Variants in TTC39C observed in about 807,000 individuals in gnomAD.
TTC39C encodes tetratricopeptide repeat protein 39C.
In TTC39C, 33 loss-of-function variants were observed where a neutral mutation model predicts 76.3. The ratio of observed to expected loss-of-function variants is 0.43; its 90% CI spans 0.33 to 0.58. TTC39C has a LOEUF of 0.58. Among genes scored for constraint, TTC39C ranks in the 20% least tolerant of loss-of-function variants. The pLI is 0.04. For synonymous variants in TTC39C, 254 were observed against 260.6 expected (o/e 0.97, Z 0.24); for missense variants, 595 against 701.4 (o/e 0.85, Z 1.71).
intron 1 of TTC39C, among the ~76,000 whole-genome samples, chr18:23,994,680 G>A (rs901981575): frequency 3.3e-5 from 5 of 152,250 alleles, no homozygotes; most frequent in African/African-American, 9.6e-5. Flanking sequence ...TCAAAGCCCC[G>A]CAGGGCTGTA....
chr18:24,127,379 G>A (rs1366744250), intron 10 of TTC39C, among the ~76,000 whole-genome samples: 1 of 152,138 alleles, frequency 6.6e-6, no homozygotes, highest in African/African-American at 2.4e-5. Flanking sequence ...TAGCTTATCA[G>A]AGTCCCCATC....
At chr18:24,048,181 T>C (rs1198852018) in intron 1 of TTC39C, among the ~76,000 whole-genome samples, 1 of 152,216 alleles carries the variant, frequency 6.6e-6, no homozygotes, top group Non-Finnish European at 1.5e-5. Context: ...AGAATGGAAA[T>C]TTAAAAATAG....
Position 24,133,892 on chromosome 18 carries a change from GA to G in TTC39C, c.*1321del, listed in dbSNP as rs1364904678. ...CGTTTATTTACAAATTCTTTTGGCT[GA>G]AACATGATCTCATATTAATATTTTA... On this transcript the variant is annotated 3_prime_UTR_variant, in exon 14 of 14. Transcript: ENST00000317571. 1 of 148,214 alleles carries G rather than the reference GA, an allele frequency of 6.7e-6. No homozygotes were observed. The highest frequency in any genetic ancestry group is 2.6e-5 in the African/African-American group (1 of 37,958). The allele number at this position is 148,214 out of a possible 1,614,324, so 9.2% of individuals were successfully genotyped here. A position where few individuals can be genotyped will look rare whatever the true frequency, so the allele number is the denominator to read the frequency against.
At chr18:24,093,131 C>G (rs912888135) in intron 6 of TTC39C, among the ~76,000 whole-genome samples, 5 of 152,158 alleles carry the variant, frequency 3.3e-5, no homozygotes, top group Non-Finnish European at 7.3e-5. Flanking sequence ...TTAAATTGTA[C>G]ACTTTAAGTG....
At chr18:24,018,286 A>G (rs1021915981) in intron 1 of TTC39C, among the ~76,000 whole-genome samples, 4 of 152,060 alleles carry the variant, frequency 2.6e-5, no homozygotes, top group African/African-American at 4.8e-5. Context: ...ACCCAAGTCC[A>G]TGTGTTTGTA....
chr18:24,098,387 TCCCTCCCTCC>T (rs2084618075), intron 6 of TTC39C, among the ~76,000 whole-genome samples: 1 of 90,232 alleles, frequency 1.1e-5, no homozygotes, highest in African/African-American at 5.8e-5. Flanking sequence ...TTTCCTTCCC[TCCCTCCCTCC>T]CTCCCTCCCT....
At chr18:24,091,521 C>A (rs185869451) in intron 6 of TTC39C, among the ~76,000 whole-genome samples, 5 of 152,316 alleles carry the variant, frequency 3.3e-5, no homozygotes, top group Non-Finnish European at 7.4e-5. Flanking sequence ...CAAAGCGGAT[C>A]ATAGACCTAA....
intron 1 of TTC39C, among the ~76,000 whole-genome samples, chr18:24,025,103 A>G (rs1351421218): frequency 1.3e-5 from 2 of 152,148 alleles, no homozygotes; most frequent in Non-Finnish European, 2.9e-5. Flanking sequence ...TCCTGGCCTC[A>G]ACTGATCTGA....
At chr18:24,101,624 G>A (rs924188310) in intron 6 of TTC39C, among the ~76,000 whole-genome samples, 2 of 151,818 alleles carry the variant, frequency 1.3e-5, no homozygotes, top group South Asian at 4.2e-4. Context: ...GTGTCATTCA[G>A]GTCTAGCAAA....
intron 2 of TTC39C, 73 bp from the exon 3 acceptor site, chr18:24,065,939 T>A: frequency 7.0e-7 from 1 of 1,436,804 alleles, no homozygotes; most frequent in Non-Finnish European, 9.2e-7. Flanking sequence ...TAATTTGGAG[T>A]TTTCTTGTAA....
At chr18:24,110,350 A>G (rs968781055) in intron 6 of TTC39C, among the ~76,000 whole-genome samples, 4 of 152,242 alleles carry the variant, frequency 2.6e-5, no homozygotes, top group African/African-American at 9.6e-5. Flanking sequence ...TGGCCTCATT[A>G]AAGACAGCAA....
chr18:24,111,401 T>C (rs1178369717), intron 6 of TTC39C, among the ~76,000 whole-genome samples: 2 of 151,820 alleles, frequency 1.3e-5, no homozygotes, highest in Non-Finnish European at 2.9e-5. Context: ...AAACCTCATC[T>C]GTACTAAAAA....
chr18:24,046,749 C>T (rs535076566), intron 1 of TTC39C, among the ~76,000 whole-genome samples: 1 of 151,794 alleles, frequency 6.6e-6, no homozygotes, highest in South Asian at 2.1e-4. Context: ...ATTTTTAAGT[C>T]TCTTGAAATG....
chr18:24,115,811 G>T lies in TTC39C; in HGVS notation c.1078+1164G>T, dbSNP rs77479502. Among the ~76,000 whole-genome samples, 439 of 152,388 alleles carry T rather than the reference G, an allele frequency of 2.9e-3. 4 individuals carry two copies. The highest frequency in any genetic ancestry group is 0.01 in the African/African-American group (420 of 41,586). On this transcript the variant is annotated intron_variant, in intron 7 of 13. Transcript: ENST00000317571. Reference sequence around the variant, plus strand: ...AAAAGAGGAAATGATGTATAATCCAGTGGAAAATGTGTTTTTGTGTCTTCT... The same window carrying T: ...AAAAGAGGAAATGATGTATAATCCATTGGAAAATGTGTTTTTGTGTCTTCT...
chr18:24,114,870 G>A (rs909968267), intron 7 of TTC39C: 1 of 436,132 alleles, frequency 2.3e-6, no homozygotes, highest in African/African-American at 2.0e-5. Context: ...AGGATAATAG[G>A]TGATGTTAAA....
At chr18:24,037,758 T>TA (rs1178898164) in intron 1 of TTC39C, among the ~76,000 whole-genome samples, 1 of 152,238 alleles carries the variant, frequency 6.6e-6, no homozygotes, top group East Asian at 1.9e-4. Context: ...AAATGGAAGG[T>TA]AGTAGTAAAG....
chr18:23,997,298 C>T (rs2083269304), intron 1 of TTC39C, among the ~76,000 whole-genome samples: 1 of 151,996 alleles, frequency 6.6e-6, no homozygotes, highest in African/African-American at 2.4e-5. Context: ...TGCCCGTAAT[C>T]CCAGCACTTT....
chr18:24,107,514 G>A (rs1031526918), intron 6 of TTC39C, among the ~76,000 whole-genome samples: 20 of 152,032 alleles, frequency 1.3e-4, no homozygotes, highest in Non-Finnish European at 4.4e-5. Flanking sequence ...TCCTGTTCTC[G>A]TGATAGTGAG....
intron 1 of TTC39C, among the ~76,000 whole-genome samples, chr18:24,051,581 T>G: frequency 6.6e-6 from 1 of 152,102 alleles, no homozygotes; most frequent in Non-Finnish European, 1.5e-5. Context: ...AATCAAACAC[T>G]CATAAACTAA....
Sources: gnomAD v4.1 joint callset for allele counts (sites outside exome capture counted in the v4.1 genomes callset) on GRCh38, gnomAD v4.1.1 for gene constraint, MANE v1.5 for transcripts, NCBI Gene and HGNC (gene_info 2026-07-23, HGNC 2026-07-21) for gene names.